The following LONRF1 variants were observed in gnomAD, a reference collection of about 807,000 sequenced individuals.
The protein encoded by LONRF1 is LON peptidase N-terminal domain and ring finger 1.
Under a neutral mutation model 85.8 loss-of-function variants are expected in LONRF1, and 37 were observed. The observed-to-expected ratio is 0.43, with a 90% CI of 0.33 to 0.57. The LOEUF (loss-of-function observed/expected upper bound fraction) is 0.57. Ranked by LOEUF, LONRF1 falls within the 20% of genes least tolerant of loss-of-function variation. The pLI, the probability that LONRF1 is intolerant of heterozygous loss-of-function variation, is 0.04. For synonymous variants in LONRF1, 517 were observed against 390.1 expected (o/e 1.33, Z -3.83); for missense variants, 1,036 against 978.0 (o/e 1.06, Z -0.79).
At chr8:12,740,050 C>G (rs1041774102) in intron 3 of LONRF1, among the ~76,000 whole-genome samples, 24 of 152,194 alleles carry the variant, frequency 1.6e-4, no homozygotes, top group African/African-American at 5.5e-4. Flanking sequence ...GAATCAAAGA[C>G]TTGTAGTTGG....
chr8:12,736,577 A>C, intron 6 of LONRF1, 124 bp downstream of exon 6: 3 of 665,222 alleles, frequency 4.5e-6, no homozygotes, highest in Non-Finnish European at 2.4e-6. Context: ...ACTAAAATTC[A>C]TGTCTTTTGA....
chr8:12,742,659 T>G (rs1253470119), intron 2 of LONRF1, among the ~76,000 whole-genome samples: 4 of 152,152 alleles, frequency 2.6e-5, no homozygotes, highest in African/African-American at 9.7e-5. Flanking sequence ...TACCATGAAT[T>G]GTTTGTTCCT....
rs1182987445 is a variant in LONRF1 at position 12,743,121 on chromosome 8, T to G, written c.840+43A>C. The G allele has an allele frequency of 3.1e-6, 4 of 1,300,262 alleles. 1 individual carries two copies. In the South Asian group the frequency reaches 4.8e-5, roughly 16 times the overall value. 80.5% of individuals were successfully genotyped at this position (1,300,262 alleles called of 1,614,324 possible). On this transcript the variant is annotated intron_variant, in intron 2 of 11. Transcript: ENST00000398246. ...GTGAATGAATGCATGTCCCTTATAG[T>G]TAAAATTTTACAATTTATGCAAACA...
chr8:12,751,296 G>GTTTTTTTTTTTTTTTTTTTTTTT (rs869038024), intron 1 of LONRF1, among the ~76,000 whole-genome samples: 23 of 69,526 alleles, frequency 3.3e-4, no homozygotes, highest in Non-Finnish European at 4.5e-4. Context: ...TTATTTTTAT[G>GTTTTTTTTTTTTTTTTTTTTTTT]TTTTTTTTTT....
chr8:12,736,846 G>T lies in LONRF1; in HGVS notation c.1355-49C>A, dbSNP rs3802270. On this transcript the variant is annotated intron_variant, in intron 5 of 11. Transcript: ENST00000398246. ...TTTCTTCCTTAGGAAAAACTTTAAA[G>T]ACTATTCTGACTAAATAAATTTATT... 498 of 1,573,776 alleles carry T rather than the reference G, an allele frequency of 3.2e-4. 3 individuals carry two copies. The East Asian group carries it at 0.01, about 33-fold the overall frequency.
chr8:12,731,677 G>A (rs1350908513), intron 8 of LONRF1, 59 bp downstream of exon 8: 3 of 1,478,170 alleles, frequency 2.0e-6, no homozygotes, highest in Non-Finnish European at 2.8e-6. Flanking sequence ...TTGCGGTGAG[G>A]TTTTTCCTTA....
In LONRF1 at chr8:12,738,288, A is replaced by G. The variant is rs758957690; in HGVS notation, c.964-144T>C. On this transcript the variant is annotated intron_variant, in intron 3 of 11. Transcript: ENST00000398246. ...GCAGGAGGGGAACAAGGTAAGCAAC[A>G]CTGTAAGTTCAAAAGTCTTGCAAAA... The G allele has an allele frequency of 7.2e-6, 4 of 558,896 alleles. No homozygotes were observed. The African/African-American group carries it at 7.8e-5, about 11-fold the overall frequency. The allele number at this position is 558,896 out of a possible 1,614,324, so 34.6% of individuals were successfully genotyped here.
rs1279834294 is a variant in LONRF1, at chr8:12,754,659, G to A, written c.721+41C>T. 1.5e-6 allele frequency: 2 copies of A among 1,297,474 alleles called. 1 individual carries two copies. The highest frequency in any genetic ancestry group is 6.5e-5 in the East Asian group (2 of 30,880). 80.4% of individuals were successfully genotyped at this position (1,297,474 alleles called of 1,614,324 possible). On this transcript the variant is annotated intron_variant, in intron 1 of 11. Transcript: ENST00000398246. ...GGTCCCCGGCCCTCGGGGCCAGGAG[G>A]GTGCGGTCGGCCCGGCCCCGCCGCA...
Position 12,731,722 on chromosome 8 carries a change from G to A in LONRF1, c.1688+14C>T. ...GGTAGTAGTTCATAATTTTTTTTATGAGAAGAAACTTACTGTGAGAGTTCA... is the reference window on the plus strand; with the variant it reads ...GGTAGTAGTTCATAATTTTTTTTATAAGAAGAAACTTACTGTGAGAGTTCA... On this transcript the variant is annotated intron_variant, in intron 8 of 11. Transcript: ENST00000398246. 1 of 1,601,100 alleles carries A rather than the reference G, an allele frequency of 6.2e-7. No individual in the cohort carries two copies. Among genetic ancestry groups the A allele is most frequent in the Middle Eastern group, 1.7e-4 (1 of 5,904 alleles).
Position 12,738,150 on chromosome 8 carries a change from A to G in LONRF1, c.964-6T>C. The G allele has an allele frequency of 1.3e-6, 2 of 1,496,512 alleles. No homozygotes were observed. Among genetic ancestry groups the G allele is most frequent in the Non-Finnish European group, 1.8e-6 (2 of 1,099,930 alleles). The allele number at this position is 1,496,512 out of a possible 1,614,324, so 92.7% of individuals were successfully genotyped here. A position where few individuals can be genotyped will look rare whatever the true frequency, so the allele number is the denominator to read the frequency against. On this transcript the variant is annotated splice_polypyrimidine_tract_variant and splice_region_variant and intron_variant, in intron 3 of 11. Transcript: ENST00000398246. ...AATAATAAATCACATAAAATCTGTA[A>G]GAGAAATATTAAAAGTAGTAGAAAA... is the stretch of plus-strand genomic sequence containing the variant.
Position 12,729,166 on chromosome 8 carries a change from A to G in LONRF1, c.1847+8T>C. The G allele has an allele frequency of 6.2e-7, 1 of 1,613,774 alleles. No individual in the cohort carries two copies. The highest frequency in any genetic ancestry group is 8.5e-7 in the Non-Finnish European group (1 of 1,179,780). On this transcript the variant is annotated splice_region_variant and intron_variant, in intron 9 of 11. Transcript: ENST00000398246. ...AAATACAAATATTTAGGTTCACAAA[A>G]AGCATACCTATTTTGTGTATCACTG...
intron 1 of LONRF1, among the ~76,000 whole-genome samples, chr8:12,752,188 A>T (rs1316200763): frequency 6.6e-6 from 1 of 152,222 alleles, no homozygotes; most frequent in Non-Finnish European, 1.5e-5. Context: ...AACAATAATG[A>T]CAAGATCATT....
In LONRF1 at chr8:12,743,289, TA is replaced by T; in HGVS notation, c.722-8del. Reference sequence around the variant, plus strand: ...ACAATCAAGTCACTGGGTTCTGAAATAAATATTTTATAAGGATATGATTATT... The same window carrying T: ...ACAATCAAGTCACTGGGTTCTGAAATAATATTTTATAAGGATATGATTATT... On this transcript the variant is annotated splice_region_variant and splice_polypyrimidine_tract_variant and intron_variant, in intron 1 of 11. Transcript: ENST00000398246. 7.0e-7 allele frequency: 1 copy of T among 1,425,926 alleles called. No individual in the cohort carries two copies. Among genetic ancestry groups the T allele is most frequent in the Non-Finnish European group, 9.8e-7 (1 of 1,015,346 alleles). The allele number at this position is 1,425,926 out of a possible 1,614,324, so 88.3% of individuals were successfully genotyped here. A position where few individuals can be genotyped will look rare whatever the true frequency, so the allele number is the denominator to read the frequency against.
chr8:12,743,326 T>G (rs1299615061), intron 1 of LONRF1, 44 bp from the exon 2 acceptor site: 1 of 1,140,324 alleles, frequency 8.8e-7, no homozygotes, highest in Admixed American at 1.9e-5. Flanking sequence ...TTTAAAAGAT[T>G]ATTACATAAT....
intron 1 of LONRF1, among the ~76,000 whole-genome samples, chr8:12,749,466 G>C (rs1799292838): frequency 6.6e-6 from 1 of 152,144 alleles, no homozygotes; most frequent in South Asian, 2.1e-4. Flanking sequence ...GAAAGAGGCA[G>C]AACACTATAC....
At chr8:12,729,639 A>T (rs1185942566) in intron 8 of LONRF1, among the ~76,000 whole-genome samples, 1 of 152,128 alleles carries the variant, frequency 6.6e-6, no homozygotes, top group African/African-American at 2.4e-5. Context: ...AGAATTTATT[A>T]TAAGTAATAT....
intron 2 of LONRF1, 109 bp downstream of exon 2, chr8:12,743,032 ATATTTCTAGAGCACTAGATATTT>A: frequency 3.0e-6 from 2 of 667,318 alleles, no homozygotes; most frequent in Admixed American, 5.6e-5. Context: ...AGGTGAACCT[ATATTTCTAGAGCACTAGATATTT>A]TATTTGGAGT....
intron 10 of LONRF1, among the ~76,000 whole-genome samples, chr8:12,726,483 G>A (rs1798309498): frequency 6.6e-6 from 1 of 152,190 alleles, no homozygotes; most frequent in African/African-American, 2.4e-5. Flanking sequence ...CAAGGCTATG[G>A]CTACCTCTGG....
Position 12,736,885 on chromosome 8 carries a change from G to C in LONRF1, c.1354+15C>G, listed in dbSNP as rs749765289. The stretch of plus-strand genomic sequence containing the variant: ...AATAAATTTATTTTATATAAGTGTA[G>C]AGCAAAATTTTTACCTCCTTGTTTT... On this transcript the variant is annotated intron_variant, in intron 5 of 11. Transcript: ENST00000398246. 14 of 1,596,986 alleles carry C rather than the reference G, an allele frequency of 8.8e-6. No homozygotes were observed. In the Admixed American group the frequency reaches 1.0e-4, roughly 12 times the overall value.
Sources: allele counts gnomAD v4.1 joint callset (sites outside exome capture counted in the v4.1 genomes callset), GRCh38; gene constraint gnomAD v4.1.1; transcripts MANE v1.5; gene names NCBI Gene and HGNC (gene_info 2026-07-23, HGNC 2026-07-21).